SAE1: variants seen among roughly 807,000 people sequenced by gnomAD.
SAE1 encodes the protein SUMO-activating enzyme subunit 1.
A neutral mutation model predicts 40.6 loss-of-function variants in SAE1; 11 were observed. The ratio of observed to expected loss-of-function variants is 0.27; its 90% confidence interval spans 0.17 to 0.45. The LOEUF (loss-of-function observed/expected upper bound fraction) is 0.45, where lower values mean the gene tolerates loss of function less well. Among genes scored for constraint, SAE1 ranks in the 20% least tolerant of loss-of-function variants. SAE1 has a pLI of 1.00. For missense variants in SAE1, 373 were observed against 427.3 expected, an observed-to-expected ratio of 0.87 and a Z score of 1.12; for synonymous variants, 155 against 154.3, an observed-to-expected ratio of 1.00 and a Z score of -0.03.
chr19:47,185,930 A>G (rs571318276), intron 6 of SAE1, among the ~76,000 whole-genome samples: 66 of 150,868 alleles, frequency 4.4e-4, no homozygotes, highest in Non-Finnish European at 8.7e-4. Context: ...TTGAGTGCCG[A>G]CATAACACTC....
At chr19:47,173,443 G>T in intron 6 of SAE1, among the ~76,000 whole-genome samples, 1 of 152,084 alleles carries the variant, frequency 6.6e-6, no homozygotes, top group Non-Finnish European at 1.5e-5. Flanking sequence ...TATTCACTTT[G>T]CTCCTAGATA....
At chr19:47,155,749 CTTT>C (rs1425906351) in intron 5 of SAE1, among the ~76,000 whole-genome samples, 5 of 119,746 alleles carry the variant, frequency 4.2e-5, no homozygotes, top group Non-Finnish European at 3.5e-5. Flanking sequence ...GCCCCATACC[CTTT>C]TTTTTTTTTT....
intron 1 of SAE1, among the ~76,000 whole-genome samples, chr19:47,135,978 A>AGCCTGGCCAACATGGTGACCG (rs2058177020): frequency 6.7e-6 from 1 of 148,952 alleles, no homozygotes; most frequent in African/African-American, 2.5e-5. Context: ...TAATTTCTGT[A>AGCCTGGCCAACATGGTGACCG]TTTTTAGTAG....
At chr19:47,180,137 ATTTCCTAGAATTG>A (rs764843727) in intron 6 of SAE1, 9 of 455,820 alleles carry the variant, frequency 2.0e-5, no homozygotes, top group Middle Eastern at 3.3e-4. Context: ...ACACGTGTTT[ATTTCCTAGAATTG>A]TTTCCTAGAA....
intron 6 of SAE1, among the ~76,000 whole-genome samples, chr19:47,179,550 A>G (rs1233131867): frequency 6.6e-6 from 1 of 151,920 alleles, no homozygotes; most frequent in Non-Finnish European, 1.5e-5. Context: ...TCTGCTTAGT[A>G]GGGATTTTGT....
At chr19:47,154,493 T>TC in intron 4 of SAE1, among the ~76,000 whole-genome samples, 1 of 126,428 alleles carries the variant, frequency 7.9e-6, no homozygotes, top group Non-Finnish European at 1.7e-5. Context: ...TTTTTTTTTT[T>TC]TTTTTTTTTT....
intron 6 of SAE1, among the ~76,000 whole-genome samples, chr19:47,179,985 G>T (rs577746408): frequency 6.6e-6 from 1 of 152,302 alleles, no homozygotes; most frequent in East Asian, 1.9e-4. Context: ...TCAGAAAAGG[G>T]TGTTCCTATG....
intron 5 of SAE1, among the ~76,000 whole-genome samples, chr19:47,169,530 C>T (rs1241140375): frequency 6.6e-6 from 1 of 152,132 alleles, no homozygotes; most frequent in Non-Finnish European, 1.5e-5. Context: ...CAGGTGTGAC[C>T]CACCGCGCCT....
chr19:47,171,684 G>C (rs868030593), intron 6 of SAE1, among the ~76,000 whole-genome samples: 1 of 151,396 alleles, frequency 6.6e-6, no homozygotes, highest in African/African-American at 2.4e-5. Context: ...GGCTGGTCTC[G>C]AACTCCTGAC....
At chr19:47,186,016 G>T (rs2058542234) in intron 6 of SAE1, among the ~76,000 whole-genome samples, 1 of 150,802 alleles carries the variant, frequency 6.6e-6, no homozygotes, top group Non-Finnish European at 1.5e-5. Context: ...TAGGTGGGTG[G>T]ATCACCTGAG....
intron 1 of SAE1, among the ~76,000 whole-genome samples, chr19:47,131,737 G>A (rs1177021891): frequency 2.6e-5 from 3 of 114,048 alleles, no homozygotes; most frequent in Middle Eastern, 8.5e-3. Context: ...GTCTCTCTCT[G>A]TCGCCCAGGC....
chr19:47,146,415 G>A lies in SAE1; in HGVS notation c.210+2810G>A, dbSNP rs958635157. ...AGGCAGTTTTTAGTAGTTTAGGTGA[G>A]AGGTGAAAGTGGCCTTGCTGATAGG... On this transcript the variant is annotated intron_variant, in intron 2 of 8. Transcript: ENST00000270225. Among the ~76,000 whole-genome samples, 3 of 152,288 alleles carry A rather than the reference G, an allele frequency of 2.0e-5. No homozygotes were observed. The East Asian group carries it at 5.8e-4, about 29-fold the overall frequency.
intron 4 of SAE1, 79 bp from the exon 5 acceptor site, chr19:47,155,035 G>A: frequency 1.1e-6 from 1 of 889,136 alleles, no homozygotes; most frequent in Non-Finnish European, 1.9e-6. Context: ...CCCGATCTGT[G>A]ACCTGGAGAG....
chr19:47,201,360 CTTTTTTTTTTTTTTTTTTTT>C (rs57568797), intron 7 of SAE1, among the ~76,000 whole-genome samples: 1 of 66,204 alleles, frequency 1.5e-5, no homozygotes, highest in South Asian at 7.4e-4. Context: ...TATCTGGTTC[CTTTTTTTTTTTTTTTTTTTT>C]TTTTTTTTTG....
At chr19:47,138,672 G>A (rs1426672857) in intron 1 of SAE1, among the ~76,000 whole-genome samples, 1 of 152,128 alleles carries the variant, frequency 6.6e-6, no homozygotes, top group East Asian at 1.9e-4. Context: ...AATGGAGGAG[G>A]GGGCAGTAAA....
intron 2 of SAE1, among the ~76,000 whole-genome samples, chr19:47,147,205 T>G (rs2058259664): frequency 7.6e-6 from 1 of 132,038 alleles, no homozygotes; most frequent in Non-Finnish European, 1.6e-5. Flanking sequence ...ATGGGTTTTT[T>G]TTTTTTTTTT....
intron 3 of SAE1, among the ~76,000 whole-genome samples, chr19:47,151,601 T>C (rs2058288909): frequency 1.3e-5 from 2 of 152,196 alleles, no homozygotes; most frequent in Non-Finnish European, 1.5e-5. Context: ...CTCCCGTTTT[T>C]ACACTTTTCT....
intron 6 of SAE1, among the ~76,000 whole-genome samples, chr19:47,195,517 T>A (rs549914431): frequency 3.3e-5 from 5 of 152,274 alleles, no homozygotes; most frequent in South Asian, 4.1e-4. Context: ...ATAGTTTTCA[T>A]AGTAAAGGAA....
At chr19:47,208,392 T>C (rs2058696518) in intron 8 of SAE1, among the ~76,000 whole-genome samples, 1 of 151,532 alleles carries the variant, frequency 6.6e-6, no homozygotes, top group African/African-American at 2.4e-5. Flanking sequence ...CCCGAGTAGC[T>C]GGCACCTTGG....
Sources: allele counts gnomAD v4.1 joint callset (sites outside exome capture counted in the v4.1 genomes callset), GRCh38; gene constraint gnomAD v4.1.1; transcripts MANE v1.5; gene names NCBI Gene and HGNC (gene_info 2026-07-23, HGNC 2026-07-21).